Variants in TRPV4 observed in about 807,000 individuals in gnomAD.
The protein encoded by TRPV4 is transient receptor potential cation channel subfamily V member 4, also known as OSM9-like transient receptor potential channel 4.
In TRPV4, 58 loss-of-function variants were observed where a neutral mutation model predicts 84.1. The ratio of observed to expected loss-of-function variants is 0.69; its 90% confidence interval spans 0.56 to 0.86. The LOEUF (loss-of-function observed/expected upper bound fraction) is 0.86, where lower values mean the gene tolerates loss of function less well. Among genes scored for constraint, TRPV4 ranks in the 40% least tolerant of loss-of-function variants. TRPV4 has a pLI of 0.00. For synonymous variants in TRPV4, 489 were observed against 500.9 expected (o/e 0.98, Z 0.32); for missense variants, 879 against 1,181.1 (o/e 0.74, Z 3.75).
At chr12:109,807,135 G>A (rs1891192420) in intron 3 of TRPV4, among the ~76,000 whole-genome samples, 1 of 151,770 alleles carries the variant, frequency 6.6e-6, no homozygotes, top group East Asian at 2.0e-4. Flanking sequence ...AATTAGCCGG[G>A]CGTGGTGGCG....
At chr12:109,823,283 G>C (rs1406470685) in intron 1 of TRPV4, among the ~76,000 whole-genome samples, 1 of 152,336 alleles carries the variant, frequency 6.6e-6, no homozygotes, top group Non-Finnish European at 1.5e-5. Flanking sequence ...CCAGTGTCCT[G>C]CTGGGCCCCC....
chr12:109,814,202 A>G lies in TRPV4; in HGVS notation c.386+209T>C, dbSNP rs1238531589. Among the ~76,000 whole-genome samples the G allele has an allele frequency of 6.6e-6, 1 of 151,422 alleles. No individual in the cohort carries two copies. Among genetic ancestry groups the G allele is most frequent in the Non-Finnish European group, 1.5e-5 (1 of 67,848 alleles). ...TGTGGATGGTTGGATGGATGGACGA[A>G]TAGATGGGTGGTTGGATGGATGGAT... is the stretch of plus-strand genomic sequence containing the variant. On this transcript the variant is annotated intron_variant, in intron 2 of 15. Transcript: ENST00000261740. The surrounding 1 kb of genome is among the most constrained non-coding windows in gnomAD (Gnocchi z 5.4).
chr12:109,807,191 A>T (rs1397724302), intron 3 of TRPV4, among the ~76,000 whole-genome samples: 6 of 150,812 alleles, frequency 4.0e-5, no homozygotes, highest in Admixed American at 4.0e-4. Flanking sequence ...CAGGAGAATC[A>T]CTTGAACCCA....
chr12:109,832,925 G>A (rs989224873), intron 1 of TRPV4, among the ~76,000 whole-genome samples: 1 of 149,270 alleles, frequency 6.7e-6, no homozygotes, highest in African/African-American at 2.5e-5. Context: ...CCAAGAAGAA[G>A]CCTTTGGAAG....
rs536871705 is a variant in TRPV4 at position 109,798,267 on chromosome 12, G to A, written c.1152+347C>T. On this transcript the variant is annotated intron_variant, in intron 6 of 15. Transcript: ENST00000261740. The surrounding 1 kb of genome is among the most constrained non-coding windows in gnomAD (Gnocchi z 5.0). Reference sequence around the variant, plus strand: ...CCCATGCTGCGCGGCCCAGAAAAGGGAAGGAACTGGGGCAGGGCCATTCAA... The same window carrying A: ...CCCATGCTGCGCGGCCCAGAAAAGGAAAGGAACTGGGGCAGGGCCATTCAA... 6.6e-6 allele frequency among the ~76,000 whole-genome samples: 1 copy of A among 152,316 alleles called. No homozygotes were observed. Among genetic ancestry groups the A allele is most frequent in the South Asian group, 2.1e-4 (1 of 4,828 alleles).
rs1890606999 is a variant in TRPV4 at position 109,798,987 on chromosome 12, G to A, written c.854-75C>T. 1 of 1,409,422 alleles carries A rather than the reference G, an allele frequency of 7.1e-7. No individual in the cohort carries two copies. Among genetic ancestry groups the A allele is most frequent in the Admixed American group, 1.8e-5 (1 of 57,000 alleles). 87.3% of individuals were successfully genotyped at this position (1,409,422 alleles called of 1,614,324 possible). A position where few individuals can be genotyped will look rare whatever the true frequency, so the allele number is the denominator to read the frequency against. The stretch of plus-strand genomic sequence containing the variant: ...GGACTCTGCCTGCAGACACTCGGGG[G>A]ACGGACACCGTGGCGCTCTGAGGAT... On this transcript the variant is annotated intron_variant, in intron 5 of 15. Transcript: ENST00000261740. The surrounding 1 kb of genome is among the most constrained non-coding windows in gnomAD (Gnocchi z 5.0).
intron 2 of TRPV4, among the ~76,000 whole-genome samples, chr12:109,812,042 T>C (rs1891552704): frequency 6.6e-6 from 1 of 152,142 alleles, no homozygotes; most frequent in Non-Finnish European, 1.5e-5. Flanking sequence ...CAAAAGCTTG[T>C]GGAAGTCCCT....
chr12:109,786,665 G>C lies in TRPV4; in HGVS notation c.2336+45C>G. On this transcript the variant is annotated intron_variant, in intron 14 of 15. Coordinates refer to ENST00000261740, the MANE Select transcript of TRPV4 (RefSeq NM_021625.5). This position sits in a 1 kb window ranked among gnomAD's most constrained non-coding sequence, Gnocchi z 4.5. ...AGCAGCAGGGGCCCCGAGCCAGTGGGGACAGTTCCGCCCTGCCATCCTGGC... is the reference window on the plus strand; with the variant it reads ...AGCAGCAGGGGCCCCGAGCCAGTGGCGACAGTTCCGCCCTGCCATCCTGGC... The C allele has an allele frequency of 3.7e-6, 6 of 1,611,834 alleles. No homozygotes were observed. The highest frequency in any genetic ancestry group is 5.1e-6 in the Non-Finnish European group (6 of 1,179,638).
chr12:109,798,552 CGT>C lies in TRPV4; in HGVS notation c.1152+60_1152+61del. The C allele has an allele frequency of 3.2e-6, 5 of 1,586,398 alleles. No homozygotes were observed. The highest frequency in any genetic ancestry group is 1.3e-5 in the African/African-American group (1 of 74,654). On this transcript the variant is annotated intron_variant, in intron 6 of 15. Coordinates refer to ENST00000261740, the MANE Select transcript of TRPV4 (RefSeq NM_021625.5). The surrounding 1 kb of genome is among the most constrained non-coding windows in gnomAD (Gnocchi z 5.0). ...ATAATGAATACCAGCAGCAGACCCT[CGT>C]GTGTGTGTGCAGAGGGGTACGAGTA... is the stretch of plus-strand genomic sequence containing the variant.
intron 3 of TRPV4, among the ~76,000 whole-genome samples, chr12:109,803,875 C>A (rs954105378): frequency 2.0e-5 from 3 of 152,208 alleles, no homozygotes; most frequent in African/African-American, 7.2e-5. Flanking sequence ...CATACACTAA[C>A]AGGGACTGTG....
At chr12:109,820,967 G>T (rs1231704457) in intron 1 of TRPV4, among the ~76,000 whole-genome samples, 3 of 152,254 alleles carry the variant, frequency 2.0e-5, no homozygotes, top group Non-Finnish European at 4.4e-5. Context: ...TTCAAAGGCG[G>T]TGGAGGTCTC....
chr12:109,816,710 A>T (rs1350098424), intron 1 of TRPV4, among the ~76,000 whole-genome samples: 1 of 152,146 alleles, frequency 6.6e-6, no homozygotes, highest in Non-Finnish European at 1.5e-5. Context: ...CCCAGGAGGC[A>T]GAGGTTGCAG....
intron 15 of TRPV4, among the ~76,000 whole-genome samples, chr12:109,784,006 G>A (rs376171658): frequency 6.6e-6 from 1 of 152,176 alleles, no homozygotes; most frequent in East Asian, 1.9e-4. Flanking sequence ...CTGAGTGCCT[G>A]TGTCCTCTCC....
Position 109,814,320 on chromosome 12 carries a change from G to C in TRPV4, c.386+91C>G. 7.0e-7 allele frequency: 1 copy of C among 1,437,850 alleles called. No homozygotes were observed. The highest frequency in any genetic ancestry group is 9.6e-7 in the Non-Finnish European group (1 of 1,044,232). 89.1% of individuals were successfully genotyped at this position (1,437,850 alleles called of 1,614,324 possible). On this transcript the variant is annotated intron_variant, in intron 2 of 15. Transcript: ENST00000261740. This position sits in a 1 kb window ranked among gnomAD's most constrained non-coding sequence, Gnocchi z 5.4. Reference sequence around the variant, plus strand: ...AGATGGATGGATGGATGAATCGACGGATGGGTGGATAATAGATAGAGGGGT... The same window carrying C: ...AGATGGATGGATGGATGAATCGACGCATGGGTGGATAATAGATAGAGGGGT...
Position 109,784,425 on chromosome 12 carries a change from C to G in TRPV4, c.2349G>C (p.Val783=), listed in dbSNP as rs778478432. Reference sequence around the variant, plus strand: ...AGTTCTGGTTCCAGTGAGACCAGTTCACCTCATCCACCCTGGCAGGGCCCA... The same window carrying G: ...AGTTCTGGTTCCAGTGAGACCAGTTGACCTCATCCACCCTGGCAGGGCCCA... ...DRRWCFRVDE[V]NWSHWNQNLG... Residue 783 remains valine, a synonymous_variant, in exon 15 of 16, where the codon GTG becomes GTC. Transcript: ENST00000261740. The G allele has an allele frequency of 1.1e-5, 17 of 1,614,134 alleles. No individual in the cohort carries two copies. The highest frequency in any genetic ancestry group is 1.4e-5 in the Non-Finnish European group (17 of 1,180,018).
At position 109,792,397 on chromosome 12, in the gene TRPV4, G is replaced by A. The variant is rs781048658; in HGVS notation, c.1857C>T (p.Leu619=). 3.6e-5 allele frequency: 58 copies of A among 1,613,776 alleles called. No individual in the cohort carries two copies. The highest frequency in any genetic ancestry group is 5.0e-5 in the Admixed American group (3 of 59,992). ...ILFKDLFRFL[L]VYLLFMIGYA... Reference sequence around the variant, plus strand: ...AGCCGATCATGAAGAGCAAGTAGACGAGCAGGAATCGGAAAAGGTCCTTGA... The same window carrying A: ...AGCCGATCATGAAGAGCAAGTAGACAAGCAGGAATCGGAAAAGGTCCTTGA... Residue 619 remains leucine (L), a synonymous_variant, in exon 12 of 16, where the codon CTC becomes CTT. Coordinates refer to ENST00000261740, the MANE Select transcript of TRPV4 (RefSeq NM_021625.5).
chr12:109,821,769 T>A (rs1243838777), intron 1 of TRPV4, among the ~76,000 whole-genome samples: 1 of 152,168 alleles, frequency 6.6e-6, no homozygotes, highest in Non-Finnish European at 1.5e-5. Flanking sequence ...TGACCTCAGA[T>A]GATCCACCTG....
chr12:109,829,662 C>T lies in TRPV4; in HGVS notation c.-32+3688G>A, dbSNP rs370633036. Among the ~76,000 whole-genome samples, 156 of 152,328 alleles carry T rather than the reference C, an allele frequency of 1.0e-3. 1 individual carries two copies. In the South Asian group the frequency reaches 0.021, roughly 20 times the overall value. ...GAGCTGTGCTTCAGAGCCCCATCCA[C>T]GTGCCTTGGGTCATCCCTGCAAAGT... On this transcript the variant is annotated intron_variant, in intron 1 of 15. Coordinates refer to ENST00000261740, the MANE Select transcript of TRPV4 (RefSeq NM_021625.5).
Position 109,814,393 on chromosome 12 carries a change from G to A in TRPV4, c.386+18C>T. Reference sequence around the variant, plus strand: ...TACAGAGGAGGAGACCACAGGCCAGGAAGCTAACAATACTCACTCTATGAT... The same window carrying A: ...TACAGAGGAGGAGACCACAGGCCAGAAAGCTAACAATACTCACTCTATGAT... On this transcript the variant is annotated intron_variant, in intron 2 of 15. Coordinates refer to ENST00000261740, the MANE Select transcript of TRPV4 (RefSeq NM_021625.5). This position sits in a 1 kb window ranked among gnomAD's most constrained non-coding sequence, Gnocchi z 5.4. 1 of 1,613,180 alleles carries A rather than the reference G, an allele frequency of 6.2e-7. No homozygotes were observed. Among genetic ancestry groups the A allele is most frequent in the Non-Finnish European group, 8.5e-7 (1 of 1,179,708 alleles).
Sources: allele counts gnomAD v4.1 joint callset (sites outside exome capture counted in the v4.1 genomes callset), GRCh38; gene constraint gnomAD v4.1.1; non-coding constraint Gnocchi (gnomAD v3.1); transcripts MANE v1.5; gene names NCBI Gene and HGNC (gene_info 2026-07-23, HGNC 2026-07-21).